BOC: variants seen among roughly 807,000 people sequenced by gnomAD.
The protein encoded by BOC is brother of CDO.
BOC carries 76 observed loss-of-function variants against 112.0 expected under a neutral mutation model. That is an observed-to-expected ratio of 0.68 (90% CI 0.56 to 0.82). BOC has a LOEUF of 0.82. Ranked by LOEUF, BOC falls within the 40% of genes least tolerant of loss-of-function variation. The pLI is 0.00. For synonymous variants in BOC, 580 were observed against 599.8 expected (o/e 0.97, Z 0.48); for missense variants, 1,309 against 1,511.7 (o/e 0.87, Z 2.22).
In BOC at chr3:113,286,918, GAAGA is replaced by G. The variant is rs2107777424; in HGVS notation, c.*59_*62del. 1 of 1,307,792 alleles carries G rather than the reference GAAGA, an allele frequency of 7.6e-7. No individual in the cohort carries two copies. Among genetic ancestry groups the G allele is most frequent in the Non-Finnish European group, 1.0e-6 (1 of 972,134 alleles). The allele number at this position is 1,307,792 out of a possible 1,614,324, so 81.0% of individuals were successfully genotyped here. A position where few individuals can be genotyped will look rare whatever the true frequency, so the allele number is the denominator to read the frequency against. ...ATTGTTTTTTTTTTAAAAAAAAAAA[GAAGA>G]AAAAAGAGACAGAGAAAATTGGTAT... is the stretch of plus-strand genomic sequence containing the variant. On this transcript the variant is annotated 3_prime_UTR_variant, in exon 20 of 20. Coordinates refer to ENST00000682979, the MANE Select transcript of BOC (RefSeq NM_001378074.1).
At chr3:113,239,106 C>G (rs1228992739) in intron 2 of BOC, among the ~76,000 whole-genome samples, 4 of 152,082 alleles carry the variant, frequency 2.6e-5, no homozygotes, top group African/African-American at 9.7e-5. Flanking sequence ...AAGACAGCAT[C>G]AAACAAAGTG....
At chr3:113,236,341 A>G (rs1352970882) in intron 2 of BOC, among the ~76,000 whole-genome samples, 31 of 75,788 alleles carry the variant, frequency 4.1e-4, no homozygotes, top group Non-Finnish European at 2.8e-4. Flanking sequence ...GTCATAAAAA[A>G]GAATGGAATC....
At chr3:113,277,313 T>A (rs2107696730) in intron 9 of BOC, among the ~76,000 whole-genome samples, 1 of 152,248 alleles carries the variant, frequency 6.6e-6, no homozygotes, top group African/African-American at 2.4e-5. Context: ...GAGAGTTTAT[T>A]TGCCTCATTG....
intron 4 of BOC, among the ~76,000 whole-genome samples, chr3:113,259,278 A>C (rs1946555218): frequency 6.6e-6 from 1 of 152,166 alleles, no homozygotes; most frequent in African/African-American, 2.4e-5. Context: ...CATTCTTTGC[A>C]CTCACAGCCA....
At chr3:113,264,279 AG>A (rs1015744070) in intron 4 of BOC, among the ~76,000 whole-genome samples, 2 of 152,222 alleles carry the variant, frequency 1.3e-5, no homozygotes, top group Non-Finnish European at 2.9e-5. Context: ...GCACAAAGAG[AG>A]GATGCAAAAG....
At chr3:113,264,767 A>G (rs1027466043) in intron 4 of BOC, among the ~76,000 whole-genome samples, 3 of 152,192 alleles carry the variant, frequency 2.0e-5, no homozygotes, top group Non-Finnish European at 4.4e-5. Flanking sequence ...GTTTTACTCA[A>G]GCAGCCAAAT....
chr3:113,214,673 A>G (rs975538332), intron 1 of BOC, among the ~76,000 whole-genome samples: 2 of 152,246 alleles, frequency 1.3e-5, no homozygotes, highest in Admixed American at 6.5e-5. Flanking sequence ...TGTCTGGGAA[A>G]ATATGGGACA....
chr3:113,252,269 A>C (rs938972042), intron 4 of BOC, among the ~76,000 whole-genome samples: 2 of 152,096 alleles, frequency 1.3e-5, no homozygotes, highest in African/African-American at 2.4e-5. Flanking sequence ...GTGGATTTAA[A>C]CTTTGAGAAG....
intron 3 of BOC, 60 bp from the exon 4 acceptor site, chr3:113,250,495 A>T (rs1374539471): frequency 3.2e-6 from 5 of 1,539,144 alleles, no homozygotes; most frequent in Non-Finnish European, 4.4e-6. Context: ...TGCTTCTAAA[A>T]ACGTGATGTT....
rs3814399 is a variant in BOC, at chr3:113,272,645, C to T, written c.903C>T (p.Ala301=). Residue 301 remains alanine, a synonymous_variant, in exon 7 of 20, where the codon GCC becomes GCT. Coordinates refer to ENST00000682979, the MANE Select transcript of BOC (RefSeq NM_001378074.1). Reference sequence around the variant, plus strand: ...ACTCAGGCACCTACCGCTGCATGGCCGACAATGGGGTTGGGCAGCCCGGGG... The same window carrying T: ...ACTCAGGCACCTACCGCTGCATGGCTGACAATGGGGTTGGGCAGCCCGGGG... ...EEDSGTYRCM[A]DNGVGQPGAA... The T allele has an allele frequency of 0.011, 18,388 of 1,613,856 alleles. 408 individuals carry two copies. The highest frequency in any genetic ancestry group is 0.1 in the East Asian group (4,606 of 44,836).
chr3:113,286,078 G>A (rs913362242), intron 19 of BOC, among the ~76,000 whole-genome samples: 3 of 152,028 alleles, frequency 2.0e-5, no homozygotes, highest in Non-Finnish European at 2.9e-5. Flanking sequence ...GGCCATTCAC[G>A]CTAAGCCCAT....
chr3:113,283,905 C>T (rs183558397), intron 16 of BOC, among the ~76,000 whole-genome samples: 6 of 152,110 alleles, frequency 3.9e-5, no homozygotes, highest in Non-Finnish European at 8.8e-5. Context: ...GAAGCTGCTC[C>T]TCTGACCTCA....
intron 2 of BOC, among the ~76,000 whole-genome samples, chr3:113,238,321 A>T (rs1943843130): frequency 6.6e-6 from 1 of 152,140 alleles, no homozygotes; most frequent in Admixed American, 6.5e-5. Flanking sequence ...TGGAATTTGA[A>T]CTTTATTTAA....
intron 4 of BOC, among the ~76,000 whole-genome samples, chr3:113,252,690 A>T (rs756222977): frequency 6.6e-6 from 1 of 152,196 alleles, no homozygotes; most frequent in Non-Finnish European, 1.5e-5. Flanking sequence ...GGGAAGGCAG[A>T]GTGTGTCCTC....
At position 113,274,261 on chromosome 3, in the gene BOC, G is replaced by T; in HGVS notation, c.1235-114G>T. On this transcript the variant is annotated intron_variant, in intron 8 of 19. Transcript: ENST00000682979. This position sits in a 1 kb window ranked among gnomAD's most constrained non-coding sequence, Gnocchi z 4.8. ...GCACAGAGTGGGTGGCGGTACAGCT[G>T]ATGGTGGGCCCAGGTTGCCTCTCTG... 1 of 1,014,204 alleles carries T rather than the reference G, an allele frequency of 9.9e-7. No homozygotes were observed. Among genetic ancestry groups the T allele is most frequent in the Non-Finnish European group, 1.4e-6 (1 of 723,980 alleles). 62.8% of individuals were successfully genotyped at this position (1,014,204 alleles called of 1,614,324 possible).
intron 2 of BOC, among the ~76,000 whole-genome samples, chr3:113,241,222 CAG>C (rs1944247885): frequency 6.6e-6 from 1 of 152,182 alleles, no homozygotes; most frequent in South Asian, 2.1e-4. Context: ...ATTCAAGGGA[CAG>C]AGTCAGAAAT....
At chr3:113,230,139 T>G (rs1279320132) in intron 2 of BOC, among the ~76,000 whole-genome samples, 68 of 152,188 alleles carry the variant, frequency 4.5e-4, no homozygotes, top group Non-Finnish European at 1.0e-4. Flanking sequence ...TCTTCTTGTC[T>G]CTCAGTACAT....
rs774369967 is a variant in BOC at position 113,268,378 on chromosome 3, G to A, written c.456G>A (p.Leu152=). The A allele has an allele frequency of 5.6e-6, 9 of 1,614,032 alleles. No homozygotes were observed. The South Asian group carries it at 9.9e-5, about 18-fold the overall frequency. Residue 152 remains leucine (L), a synonymous_variant, in exon 5 of 20, where the codon CTG becomes CTA. Coordinates refer to ENST00000682979, the MANE Select transcript of BOC (RefSeq NM_001378074.1). ...EGNTAVIACH[L]PESHPKAQVR... ...ACACAGCAGTCATTGCCTGCCACCT[G>A]CCTGAGAGCCACCCCAAAGCCCAGG...
At chr3:113,238,709 G>A (rs1350704472) in intron 2 of BOC, among the ~76,000 whole-genome samples, 1 of 152,206 alleles carries the variant, frequency 6.6e-6, no homozygotes, top group African/African-American at 2.4e-5. Context: ...TATCATCTGT[G>A]TGATCTTGGA....
Sources: gnomAD v4.1 joint callset for allele counts (sites outside exome capture counted in the v4.1 genomes callset) on GRCh38, gnomAD v4.1.1 for gene constraint, Gnocchi (gnomAD v3.1) non-coding constraint, MANE v1.5 for transcripts, NCBI Gene and HGNC (gene_info 2026-07-23, HGNC 2026-07-21) for gene names.